The following BRDT variants were observed in gnomAD, a reference collection of about 807,000 sequenced individuals.
The protein encoded by BRDT is bromodomain testis-specific protein.
BRDT carries 77 observed loss-of-function variants against 113.9 expected under a neutral mutation model. The ratio of observed to expected loss-of-function variants is 0.68; its 90% CI spans 0.56 to 0.82. The LOEUF (loss-of-function observed/expected upper bound fraction) is 0.82, where lower values mean the gene tolerates loss of function less well. Among genes scored for constraint, BRDT ranks in the 40% least tolerant of loss-of-function variants. The pLI is 0.00. For missense variants in BRDT, 1,027 were observed against 1,105.4 expected (o/e 0.93, Z 1.01); for synonymous variants, 358 against 366.5 (o/e 0.98, Z 0.26).
chr1:91,951,759 G>A, intron 1 of BRDT, among the ~76,000 whole-genome samples: 1 of 151,816 alleles, frequency 6.6e-6, no homozygotes, highest in East Asian at 1.9e-4. Context: ...GGGCGACAGA[G>A]TGAGACTCCA....
chr1:91,959,451 G>A (rs1366641716), intron 1 of BRDT, among the ~76,000 whole-genome samples: 2 of 142,666 alleles, frequency 1.4e-5, no homozygotes, highest in African/African-American at 5.2e-5. Flanking sequence ...TACAGGTGAG[G>A]TCTCACTGTG....
intron 18 of BRDT, 95 bp from the exon 19 acceptor site, chr1:92,014,108 TATG>T (rs1688024815): frequency 1.3e-6 from 1 of 749,240 alleles, no homozygotes; most frequent in Non-Finnish European, 2.1e-6. Context: ...TTTTCTTTTG[TATG>T]ATTTGTTCCT....
intron 8 of BRDT, among the ~76,000 whole-genome samples, chr1:91,980,026 T>C (rs973512411): frequency 6.6e-6 from 1 of 152,202 alleles, no homozygotes; most frequent in African/African-American, 2.4e-5. Context: ...AGATATTTTA[T>C]GGATGAGGTC....
At chr1:92,007,302 C>T (rs1278789655) in intron 18 of BRDT, among the ~76,000 whole-genome samples, 2 of 151,910 alleles carry the variant, frequency 1.3e-5, no homozygotes, top group South Asian at 2.1e-4. Context: ...ACTGGTGTAA[C>T]GGGGGTTCGT....
intron 3 of BRDT, among the ~76,000 whole-genome samples, chr1:91,967,751 T>C (rs1378703470): frequency 6.6e-6 from 1 of 152,172 alleles, no homozygotes; most frequent in African/African-American, 2.4e-5. Flanking sequence ...CAGGCTGGTC[T>C]CGAACTCCCG....
chr1:91,965,004 G>T (rs1682912309), intron 3 of BRDT, among the ~76,000 whole-genome samples: 1 of 151,150 alleles, frequency 6.6e-6, no homozygotes, highest in African/African-American at 2.4e-5. Flanking sequence ...CTGCCCCCAG[G>T]TTCAAGTGAT....
At chr1:91,985,270 C>G (rs917736605) in intron 12 of BRDT, among the ~76,000 whole-genome samples, 25 of 151,470 alleles carry the variant, frequency 1.7e-4, no homozygotes, top group African/African-American at 6.1e-4. Context: ...CCGTGTTAGC[C>G]AGGATGGTCT....
chr1:91,964,320 C>T (rs1451779133), intron 2 of BRDT, among the ~76,000 whole-genome samples: 4 of 152,220 alleles, frequency 2.6e-5, no homozygotes, highest in African/African-American at 9.6e-5. Flanking sequence ...CTTGGCCTCC[C>T]AAAGTGCTGG....
intron 12 of BRDT, among the ~76,000 whole-genome samples, chr1:91,984,300 A>T (rs2101695342): frequency 6.6e-6 from 1 of 152,284 alleles, no homozygotes; most frequent in African/African-American, 2.4e-5. Context: ...AATTTCTAGC[A>T]TGTAAACTAA....
chr1:91,993,196 T>C (rs1003638264), intron 14 of BRDT, among the ~76,000 whole-genome samples: 1 of 152,236 alleles, frequency 6.6e-6, no homozygotes, highest in African/African-American at 2.4e-5. Context: ...TAAACATTCC[T>C]ATAGCATTTG....
chr1:91,969,834 T>G (rs1372244305), intron 4 of BRDT, among the ~76,000 whole-genome samples: 2 of 145,914 alleles, frequency 1.4e-5, no homozygotes, highest in South Asian at 2.2e-4. Flanking sequence ...TTTTTTTTTT[T>G]TTTTTTTTTT....
At chr1:92,001,483 G>C (rs762208844) in intron 15 of BRDT, among the ~76,000 whole-genome samples, 18 of 152,206 alleles carry the variant, frequency 1.2e-4, no homozygotes, top group Non-Finnish European at 2.4e-4. Flanking sequence ...ATCACTGAAG[G>C]TCAGGAGTTC....
intron 1 of BRDT, among the ~76,000 whole-genome samples, chr1:91,960,762 G>A (rs894808296): frequency 3.3e-5 from 5 of 152,176 alleles, no homozygotes; most frequent in African/African-American, 1.2e-4. Context: ...CTTTAATGCA[G>A]ACAAAGATAA....
intron 3 of BRDT, among the ~76,000 whole-genome samples, chr1:91,967,407 T>C (rs1400068052): frequency 6.7e-6 from 1 of 150,272 alleles, no homozygotes; most frequent in East Asian, 2.0e-4. Context: ...GGCTAATTTT[T>C]TTTTTTTTTA....
rs1309809287 is a variant in BRDT at position 91,977,102 on chromosome 1, A to C, written c.678A>C (p.Lys226Asn). 6.2e-7 allele frequency: 1 copy of C among 1,613,558 alleles called. No individual in the cohort carries two copies. ...CAACTCCTGCAACTTCAGCAGTTAAAGCAAGTAGTGAATTTTCTCCAACAT... is the reference window on the plus strand; with the variant it reads ...CAACTCCTGCAACTTCAGCAGTTAACGCAAGTAGTGAATTTTCTCCAACAT... Reference protein sequence around the residue: ...DTTTPATSAVKASSEFSPTFT... With the variant: ...DTTTPATSAVNASSEFSPTFT... Residue 226 changes from lysine to asparagine, a missense_variant, in exon 6 of 19, where the codon AAA becomes AAC. Coordinates refer to ENST00000399546, the MANE Select transcript of BRDT (RefSeq NM_207189.4).
Position 91,977,372 on chromosome 1 carries a change from G to T in BRDT, c.948G>T (p.Pro316=). ...ACTACTATGACGTTGTCAAAAATCC[G>T]ATGGATCTTGGAACTATTAAGGTAA... ...LHNYYDVVKN[P]MDLGTIKEKM... Residue 316 remains proline, a synonymous_variant, in exon 6 of 19, where the codon CCG becomes CCT. Transcript: ENST00000399546. 6.3e-7 allele frequency: 1 copy of T among 1,589,954 alleles called. No individual in the cohort carries two copies. The highest frequency in any genetic ancestry group is 1.2e-5 in the South Asian group (1 of 86,010).
chr1:91,954,873 G>T (rs1427117494), intron 1 of BRDT, among the ~76,000 whole-genome samples: 1 of 152,128 alleles, frequency 6.6e-6, no homozygotes, highest in Non-Finnish European at 1.5e-5. Context: ...TGATGTGGGA[G>T]GATGGCTTGA....
chr1:91,953,194 T>G lies in BRDT; in HGVS notation c.-38+3512T>G, dbSNP rs545396617. 6.6e-5 allele frequency among the ~76,000 whole-genome samples: 10 copies of G among 151,228 alleles called. No homozygotes were observed. In the South Asian group the frequency reaches 2.1e-3, roughly 32 times the overall value. On this transcript the variant is annotated intron_variant, in intron 1 of 18. Transcript: ENST00000399546. ...AGTTTGCAGAAACTATTTTCTCCCT[T>G]GGACTGGAGACTGCTCATTTGATGG...
chr1:92,003,481 G>A (rs2101803339), intron 16 of BRDT, among the ~76,000 whole-genome samples: 1 of 152,248 alleles, frequency 6.6e-6, no homozygotes, highest in Non-Finnish European at 1.5e-5. Context: ...TAATATGGTA[G>A]CCTCTGGTCA....
Sources: gnomAD v4.1 joint callset for allele counts (sites outside exome capture counted in the v4.1 genomes callset) on GRCh38, gnomAD v4.1.1 for gene constraint, MANE v1.5 for transcripts, NCBI Gene and HGNC (gene_info 2026-07-23, HGNC 2026-07-21) for gene names.